Variants in ZNF787 observed in about 807,000 individuals in gnomAD.
The protein encoded by ZNF787 is zinc finger protein 787.
Under a neutral mutation model 16.9 loss-of-function variants are expected in ZNF787, and 7 were observed. The ratio of observed to expected loss-of-function variants is 0.42; its 90% confidence interval spans 0.24 to 0.78. ZNF787 has a LOEUF of 0.78. Among genes scored for constraint, ZNF787 ranks in the 30% least tolerant of loss-of-function variants. The pLI is 0.30. For missense variants in ZNF787, 551 were observed against 589.3 expected, an observed-to-expected ratio of 0.94 and a Z score of 0.67; for synonymous variants, 345 against 270.9, an observed-to-expected ratio of 1.27 and a Z score of -2.69.
intron 2 of ZNF787, among the ~76,000 whole-genome samples, chr19:56,092,016 ACCGAAGCCGAAGCCGAAGCCGAAG>A (rs150722212): frequency 6.9e-6 from 1 of 144,920 alleles, no homozygotes. Flanking sequence ...CAAAGCCGAA[ACCGAAGCCGAAGCCGAAGCCGAAG>A]CCGAAGCCTC....
At chr19:56,095,925 G>C (rs919884680) in intron 2 of ZNF787, among the ~76,000 whole-genome samples, 4 of 152,158 alleles carry the variant, frequency 2.6e-5, no homozygotes, top group Admixed American at 1.3e-4. Flanking sequence ...AGGCCTCGGT[G>C]GTTTATCCTC....
At chr19:56,112,635 T>C (rs2030013830) in intron 1 of ZNF787, among the ~76,000 whole-genome samples, 1 of 147,744 alleles carries the variant, frequency 6.8e-6, no homozygotes, top group Non-Finnish European at 1.5e-5. Context: ...GGCACCCACC[T>C]GCTTTCTTCC....
chr19:56,119,451 T>G (rs73934683), intron 1 of ZNF787, among the ~76,000 whole-genome samples: 3,504 of 152,306 alleles, frequency 0.023, 122 homozygotes, highest in African/African-American at 0.08. Flanking sequence ...CCCTTTCCAT[T>G]TACTTTACAC....
chr19:56,112,878 T>A (rs493717), intron 1 of ZNF787, among the ~76,000 whole-genome samples: 1 of 126,348 alleles, frequency 7.9e-6, no homozygotes, highest in Non-Finnish European at 1.6e-5. Flanking sequence ...GACCAGCCGT[T>A]CCCCCCACCC....
chr19:56,113,522 C>T (rs375335572), intron 1 of ZNF787, among the ~76,000 whole-genome samples: 2 of 152,102 alleles, frequency 1.3e-5, no homozygotes, highest in East Asian at 1.9e-4. Context: ...TAATGGAACA[C>T]GACCATAACC....
intron 2 of ZNF787, among the ~76,000 whole-genome samples, chr19:56,092,039 AGCCG>A (rs1985618038): frequency 1.3e-5 from 2 of 151,676 alleles, no homozygotes; most frequent in African/African-American, 2.4e-5. Context: ...CCGAAGCCGA[AGCCG>A]AAGCCTCACC....
chr19:56,088,890 G>A lies in ZNF787; in HGVS notation c.282C>T (p.Asn94=), dbSNP rs764130184. ...HQRTHTGERP[N]ACADCGKTFS... Reference sequence around the variant, plus strand: ...AGGTCTTGCCGCAGTCGGCGCAGGCGTTGGGCCGCTCGCCGGTGTGCGTGC... The same window carrying A: ...AGGTCTTGCCGCAGTCGGCGCAGGCATTGGGCCGCTCGCCGGTGTGCGTGC... Residue 94 remains asparagine, a synonymous_variant, in exon 3 of 3, where the codon AAC becomes AAT. Coordinates refer to ENST00000610935, the MANE Select transcript of ZNF787 (RefSeq NM_001002836.4). This position sits in a 1 kb window ranked among gnomAD's most constrained non-coding sequence, Gnocchi z 8.6. 1.2e-5 allele frequency: 20 copies of A among 1,605,106 alleles called. No homozygotes were observed. In the Admixed American group the frequency reaches 2.0e-4, roughly 16 times the overall value.
chr19:56,088,559 C>G lies in ZNF787; in HGVS notation c.613G>C (p.Gly205Arg). The G allele has an allele frequency of 6.7e-7, 1 of 1,491,930 alleles. No homozygotes were observed. The highest frequency in any genetic ancestry group is 8.9e-7 in the Non-Finnish European group (1 of 1,129,404). 92.4% of individuals were successfully genotyped at this position (1,491,930 alleles called of 1,614,324 possible). A position where few individuals can be genotyped will look rare whatever the true frequency, so the allele number is the denominator to read the frequency against. ...AGCACCTTGGCCGCCACGCCAGGCC[C>G]CGACAGCTCCGGGTGCAGCCGCAGG... ...RHLRLHPELSGPGVAAKVLAA... is the reference protein window; with the variant it reads ...RHLRLHPELSRPGVAAKVLAA... The change falls in exon 3 of 3, where the codon GGG (glycine) becomes CGG (arginine). Residue 205 changes from glycine to arginine, a missense_variant. Physicochemically the swap from Gly to Arg is moderately radical, Grantham distance 125. This residue lies in a region of ZNF787 where 392 missense variants were observed against 312.7 expected (regional missense o/e 1.25). Transcript: ENST00000610935. This position sits in a 1 kb window ranked among gnomAD's most constrained non-coding sequence, Gnocchi z 8.6.
At chr19:56,108,586 C>T (rs1361673773) in intron 1 of ZNF787, among the ~76,000 whole-genome samples, 1 of 152,042 alleles carries the variant, frequency 6.6e-6, no homozygotes, top group Non-Finnish European at 1.5e-5. Context: ...CCTGTCCTCC[C>T]GGCACCCTGT....
intron 1 of ZNF787, among the ~76,000 whole-genome samples, chr19:56,107,575 T>C (rs1360609341): frequency 6.8e-6 from 1 of 146,430 alleles, no homozygotes; most frequent in African/African-American, 2.6e-5. Context: ...GGGACAAGGG[T>C]CACCAGGAGA....
chr19:56,119,269 T>C (rs1422109033), intron 1 of ZNF787, among the ~76,000 whole-genome samples: 1 of 152,186 alleles, frequency 6.6e-6, no homozygotes, highest in Non-Finnish European at 1.5e-5. Flanking sequence ...GGGCCTGGCC[T>C]GTGCAGCCGC....
chr19:56,103,610 G>A (rs1418300606), intron 1 of ZNF787: 1 of 223,572 alleles, frequency 4.5e-6, no homozygotes, highest in East Asian at 9.9e-5. Flanking sequence ...ACACAAGACA[G>A]TGTACATGTG....
chr19:56,090,384 A>G (rs1157114682), intron 2 of ZNF787, among the ~76,000 whole-genome samples: 1 of 152,168 alleles, frequency 6.6e-6, no homozygotes, highest in Non-Finnish European at 1.5e-5. Flanking sequence ...GACTGGGTCC[A>G]AGAAACAGCC....
At position 56,087,442 on chromosome 19, in the gene ZNF787, G is replaced by C. The variant is rs892665132; in HGVS notation, c.*581C>G. 1 of 152,168 alleles carries C rather than the reference G, an allele frequency of 6.6e-6. No homozygotes were observed. Among genetic ancestry groups the C allele is most frequent in the East Asian group, 1.9e-4 (1 of 5,150 alleles). 9.4% of individuals were successfully genotyped at this position (152,168 alleles called of 1,614,324 possible). On this transcript the variant is annotated 3_prime_UTR_variant, in exon 3 of 3. Transcript: ENST00000610935. ...CCAGGCCTGGGACAAACGGGCACCC[G>C]CCTCCTGCGGCGCTGCCTCTGCTAC...
rs567138102 is a variant in ZNF787, at chr19:56,104,927, G to A, written c.-10-1700C>T. On this transcript the variant is annotated intron_variant, in intron 1 of 2. Coordinates refer to ENST00000610935, the MANE Select transcript of ZNF787 (RefSeq NM_001002836.4). Reference sequence around the variant, plus strand: ...GTGGATCAGTGGAGGTCTGGAGTTCGAGACCAGCCTGGCCAGCATGGCGAA... The same window carrying A: ...GTGGATCAGTGGAGGTCTGGAGTTCAAGACCAGCCTGGCCAGCATGGCGAA... Among the ~76,000 whole-genome samples the A allele has an allele frequency of 5.3e-4, 80 of 152,298 alleles. 1 individual carries two copies. Among genetic ancestry groups the A allele is most frequent in the African/African-American group, 1.6e-3 (65 of 41,568 alleles).
At chr19:56,099,878 C>A (rs1986026518) in intron 2 of ZNF787, among the ~76,000 whole-genome samples, 1 of 151,904 alleles carries the variant, frequency 6.6e-6, no homozygotes. Context: ...GCTGGACAGG[C>A]GGCGGATTCT....
intron 2 of ZNF787, among the ~76,000 whole-genome samples, chr19:56,097,133 T>A (rs1985903684): frequency 6.6e-6 from 1 of 152,142 alleles, no homozygotes; most frequent in African/African-American, 2.4e-5. Flanking sequence ...GGCAGGTGTC[T>A]CGGCCCTTTT....
At chr19:56,097,051 G>A (rs969422227) in intron 2 of ZNF787, among the ~76,000 whole-genome samples, 2 of 152,128 alleles carry the variant, frequency 1.3e-5, no homozygotes, top group African/African-American at 4.8e-5. Context: ...ACCCTCCTGA[G>A]ATCTTCAGGA....
In ZNF787 at chr19:56,088,273, C is replaced by T. The variant is rs753777993; in HGVS notation, c.899G>A (p.Arg300Gln). The change falls in exon 3 of 3, where the codon CGG (arginine) becomes CAG (glutamine). Residue 300 changes from arginine (R) to glutamine (Q), a missense_variant. Physicochemically the swap from Arg to Gln is conservative, Grantham distance 43. Coordinates refer to ENST00000610935, the MANE Select transcript of ZNF787 (RefSeq NM_001002836.4). This position sits in a 1 kb window ranked among gnomAD's most constrained non-coding sequence, Gnocchi z 8.6. ...GHGAGLLAHQRAQHGDGLGAA... is the reference protein window; with the variant it reads ...GHGAGLLAHQQAQHGDGLGAA... The stretch of plus-strand genomic sequence containing the variant: ...CCCGAGCCCGTCCCCGTGCTGGGCC[C>T]GCTGGTGCGCCAGGAGCCCGGCCCC... 5.0e-6 allele frequency: 7 copies of T among 1,410,432 alleles called. No homozygotes were observed. The highest frequency in any genetic ancestry group is 6.4e-6 in the Non-Finnish European group (7 of 1,086,030). The allele number at this position is 1,410,432 out of a possible 1,614,324, so 87.4% of individuals were successfully genotyped here.
Sources: gnomAD v4.1 joint callset for allele counts (sites outside exome capture counted in the v4.1 genomes callset) on GRCh38, gnomAD v4.1.1 for gene constraint, gnomAD v4.1.1 regional missense constraint, Gnocchi (gnomAD v3.1) non-coding constraint, MANE v1.5 for transcripts, NCBI Gene and HGNC (gene_info 2026-07-23, HGNC 2026-07-21) for gene names.